The following RAPGEF6 variants were observed in gnomAD, a reference collection of about 807,000 sequenced individuals.
RAPGEF6 encodes Rap guanine nucleotide exchange factor 6, also known as PDZ domain containing guanine nucleotide exchange factor (GEF) 2.
A neutral mutation model predicts 171.4 loss-of-function variants in RAPGEF6; 56 were observed. The observed-to-expected ratio is 0.33, with a 90% CI of 0.26 to 0.41. RAPGEF6 has a LOEUF of 0.41. RAPGEF6 is among the 10% of genes least tolerant of loss of function. The pLI is 1.00. For synonymous variants in RAPGEF6, 692 were observed against 650.1 expected, an observed-to-expected ratio of 1.06 and a Z score of -0.98; for missense variants, 1,674 against 1,921.4, an observed-to-expected ratio of 0.87 and a Z score of 2.41.
intron 5 of RAPGEF6, among the ~76,000 whole-genome samples, chr5:131,550,582 T>C (rs560728227): frequency 2.6e-5 from 4 of 152,244 alleles, no homozygotes; most frequent in Non-Finnish European, 4.4e-5. Flanking sequence ...AAATAACTTA[T>C]AATCTGCCAA....
chr5:131,604,883 CT>C (rs1764462606), intron 1 of RAPGEF6, among the ~76,000 whole-genome samples, 190 bp from the exon 2 acceptor site: 1 of 152,142 alleles, frequency 6.6e-6, no homozygotes, highest in African/African-American at 2.4e-5. Flanking sequence ...CTCAAAGGAA[CT>C]CCTCTTCAAC....
chr5:131,615,880 A>C (rs993295126), intron 1 of RAPGEF6, among the ~76,000 whole-genome samples: 11 of 151,928 alleles, frequency 7.2e-5, no homozygotes, highest in African/African-American at 2.4e-4. Context: ...CAGCCCGGGC[A>C]ACAGAGCAAA....
intron 1 of RAPGEF6, among the ~76,000 whole-genome samples, chr5:131,617,711 T>C (rs1410688566): frequency 6.6e-6 from 1 of 152,212 alleles, no homozygotes; most frequent in Non-Finnish European, 1.5e-5. Context: ...CTGGACAACA[T>C]AGTGAAACCC....
intron 1 of RAPGEF6, among the ~76,000 whole-genome samples, chr5:131,619,177 C>T (rs755533577): frequency 6.6e-6 from 1 of 152,006 alleles, no homozygotes; most frequent in Non-Finnish European, 1.5e-5. Flanking sequence ...TGGTGGCTCA[C>T]GCATTTACTA....
chr5:131,486,528 T>A (rs962310169), intron 15 of RAPGEF6, among the ~76,000 whole-genome samples: 1 of 152,168 alleles, frequency 6.6e-6, no homozygotes, highest in African/African-American at 2.4e-5. Context: ...CCTAAACATC[T>A]TCTTCCTTAC....
intron 17 of RAPGEF6, among the ~76,000 whole-genome samples, chr5:131,465,509 G>A (rs1754274157): frequency 6.6e-6 from 1 of 152,052 alleles, no homozygotes; most frequent in African/African-American, 2.4e-5. Context: ...TACAGGCTGG[G>A]TATGACTCAC....
intron 6 of RAPGEF6, among the ~76,000 whole-genome samples, chr5:131,529,842 G>A (rs1182344584): frequency 6.6e-6 from 1 of 151,300 alleles, no homozygotes; most frequent in Non-Finnish European, 1.5e-5. Flanking sequence ...AGGCTGCAGT[G>A]AGCCATGATT....
intron 7 of RAPGEF6, among the ~76,000 whole-genome samples, chr5:131,516,340 T>C (rs1758084229): frequency 6.6e-6 from 1 of 152,108 alleles, no homozygotes; most frequent in Non-Finnish European, 1.5e-5. Context: ...GAACCCAGCC[T>C]CAGATGATAT....
At chr5:131,617,604 C>A (rs1486528979) in intron 1 of RAPGEF6, among the ~76,000 whole-genome samples, 1 of 151,040 alleles carries the variant, frequency 6.6e-6, no homozygotes, top group Non-Finnish European at 1.5e-5. Flanking sequence ...AGGCGCCCAC[C>A]ACCACCCCCA....
intron 1 of RAPGEF6, among the ~76,000 whole-genome samples, chr5:131,605,866 T>C (rs1232580708): frequency 1.3e-5 from 2 of 151,144 alleles, no homozygotes; most frequent in Non-Finnish European, 1.5e-5. Flanking sequence ...CCATCTCTAC[T>C]AAAAATACAA....
intron 1 of RAPGEF6, among the ~76,000 whole-genome samples, chr5:131,620,757 A>G (rs1765550494): frequency 6.6e-6 from 1 of 151,920 alleles, no homozygotes; most frequent in Non-Finnish European, 1.5e-5. Context: ...TGCCCAGCAA[A>G]TTTTTTGTAT....
chr5:131,624,877 C>T lies in RAPGEF6; in HGVS notation c.69+10085G>A, dbSNP rs373682103. ...GTTGCTCACGCCTGTAATCCCAGCACTTTGGGAGGTCGAGGCGGGCAGATC... is the reference window on the plus strand; with the variant it reads ...GTTGCTCACGCCTGTAATCCCAGCATTTTGGGAGGTCGAGGCGGGCAGATC... On this transcript the variant is annotated intron_variant, in intron 1 of 27. Transcript: ENST00000509018. Among the ~76,000 whole-genome samples the T allele has an allele frequency of 2.6e-5, 4 of 152,334 alleles. No individual in the cohort carries two copies. The East Asian group carries it at 7.7e-4, about 29-fold the overall frequency.
At position 131,472,743 on chromosome 5, in the gene RAPGEF6, C is replaced by T. The variant is rs924727565; in HGVS notation, c.2083G>A (p.Asp695Asn). The T allele has an allele frequency of 4.4e-6, 7 of 1,606,224 alleles. No homozygotes were observed. The highest frequency in any genetic ancestry group is 2.2e-5 in the East Asian group (1 of 44,826). The stretch of plus-strand genomic sequence containing the variant: ...TCTTGTGATTGGCTTAGGCCTCCAT[C>T]ACTTCAAAAGAATGTCATATATCAC... ...FSILPPKLFS[D>N]GGLSQSQDDS... Residue 695 changes from aspartate to asparagine, a missense_variant and splice_region_variant, in exon 17 of 28, where the codon GAT becomes AAT. Physicochemically the swap from Asp to Asn is conservative, Grantham distance 23. This residue lies in a region of RAPGEF6 where 1,116 missense variants were observed against 1,321.5 expected (regional missense o/e 0.84). Coordinates refer to ENST00000509018, the MANE Select transcript of RAPGEF6 (RefSeq NM_016340.6).
At chr5:131,632,592 TA>T (rs1766382061) in intron 1 of RAPGEF6, among the ~76,000 whole-genome samples, 1 of 152,204 alleles carries the variant, frequency 6.6e-6, no homozygotes, top group African/African-American at 2.4e-5. Context: ...TAAGTCTTAC[TA>T]GGGCAGACCT....
chr5:131,592,787 A>G (rs1220880800), intron 3 of RAPGEF6, among the ~76,000 whole-genome samples: 1 of 152,242 alleles, frequency 6.6e-6, no homozygotes, highest in East Asian at 1.9e-4. Context: ...CAGTTTAATT[A>G]AAGCTTTAAA....
chr5:131,620,013 G>A (rs1765509016), intron 1 of RAPGEF6, among the ~76,000 whole-genome samples: 1 of 152,130 alleles, frequency 6.6e-6, no homozygotes, highest in African/African-American at 2.4e-5. Flanking sequence ...AACAGCAACA[G>A]GCATCCAATA....
intron 24 of RAPGEF6, chr5:131,435,778 C>T: frequency 7.9e-7 from 1 of 1,261,680 alleles, no homozygotes; most frequent in South Asian, 1.8e-5. Flanking sequence ...ATAAAATTTA[C>T]TAACTCAATA....
At chr5:131,464,760 T>A (rs1274637949) in intron 17 of RAPGEF6, among the ~76,000 whole-genome samples, 1 of 152,136 alleles carries the variant, frequency 6.6e-6, no homozygotes, top group East Asian at 1.9e-4. Context: ...GCAATCTACT[T>A]CCTCCGTGAA....
chr5:131,527,312 A>G (rs780170195), intron 6 of RAPGEF6, among the ~76,000 whole-genome samples: 7 of 152,090 alleles, frequency 4.6e-5, no homozygotes, highest in Admixed American at 2.0e-4. Context: ...ACAAAAAAAA[A>G]CAGCTGGAAG....
Sources: allele counts gnomAD v4.1 joint callset (sites outside exome capture counted in the v4.1 genomes callset), GRCh38; gene constraint gnomAD v4.1.1; regional missense constraint gnomAD v4.1.1; transcripts MANE v1.5; gene names NCBI Gene and HGNC (gene_info 2026-07-23, HGNC 2026-07-21).